Variants in RGL1 observed in about 807,000 individuals in gnomAD.
RGL1 encodes the protein ral guanine nucleotide dissociation stimulator-like 1.
RGL1 carries 24 observed loss-of-function variants against 95.2 expected under a neutral mutation model. The ratio of observed to expected loss-of-function variants is 0.25; its 90% CI spans 0.18 to 0.35. RGL1 has a LOEUF of 0.35. RGL1 is among the 10% of genes least tolerant of loss of function. RGL1 has a pLI of 1.00. For missense variants in RGL1, 715 were observed against 936.3 expected (o/e 0.76, Z 3.08); for synonymous variants, 329 against 344.9 (o/e 0.95, Z 0.51).
chr1:183,922,383 C>G (rs1310007598), intron 17 of RGL1, 47 bp downstream of exon 17: 2 of 1,379,060 alleles, frequency 1.5e-6, no homozygotes, highest in Admixed American at 1.8e-5. Flanking sequence ...GGGCAGGTGG[C>G]TAGCACATGT....
At position 183,916,542 on chromosome 1, in the gene RGL1, G is replaced by A. The variant is rs760736406; in HGVS notation, c.1845G>A (p.Pro615=). Residue 615 remains proline, a synonymous_variant, in exon 16 of 18, where the codon CCG becomes CCA. Coordinates refer to ENST00000360851, the MANE Select transcript of RGL1 (RefSeq NM_001297671.3). ...SSLINPLSSP[P]SCNNNPKIHK... is the part of the protein sequence containing the mutation. ...TAATCAACCCCCTCTCCTCCCCTCC[G>A]TCCTGCAACAACAACCCCAAAATCC... 19 of 1,611,514 alleles carry A rather than the reference G, an allele frequency of 1.2e-5. No individual in the cohort carries two copies. The highest frequency in any genetic ancestry group is 1.0e-4 in the Admixed American group (6 of 59,606).
intron 2 of RGL1, among the ~76,000 whole-genome samples, chr1:183,772,022 G>C (rs925661684): frequency 1.3e-5 from 2 of 152,238 alleles, no homozygotes; most frequent in African/African-American, 4.8e-5. Context: ...TTTGGCCAGG[G>C]CAGTCGGAGG....
chr1:183,658,877 A>G (rs528306129), intron 1 of RGL1, among the ~76,000 whole-genome samples: 36 of 143,548 alleles, frequency 2.5e-4, no homozygotes, highest in Admixed American at 5.4e-4. Context: ...CAGAGGAACA[A>G]TCAGCAGCAT....
chr1:183,869,245 T>C (rs1236048145), intron 4 of RGL1, among the ~76,000 whole-genome samples: 1 of 152,366 alleles, frequency 6.6e-6, no homozygotes, highest in South Asian at 2.1e-4. Flanking sequence ...AAGAGTCATG[T>C]TCATTCTTTT....
intron 3 of RGL1, among the ~76,000 whole-genome samples, chr1:183,856,824 G>A (rs999771829): frequency 2.0e-5 from 3 of 152,008 alleles, no homozygotes; most frequent in African/African-American, 4.8e-5. Flanking sequence ...ATAGAAAAGA[G>A]CATTAAAAAC....
At chr1:183,913,096 T>A (rs759468120) in intron 15 of RGL1, among the ~76,000 whole-genome samples, 2 of 151,838 alleles carry the variant, frequency 1.3e-5, no homozygotes, top group Non-Finnish European at 2.9e-5. Context: ...AGAATTTCCG[T>A]CGAGTTTCTA....
chr1:183,791,673 C>A (rs1660447239), intron 2 of RGL1, among the ~76,000 whole-genome samples: 1 of 152,198 alleles, frequency 6.6e-6, no homozygotes, highest in Non-Finnish European at 1.5e-5. Flanking sequence ...AGGGAAAGCT[C>A]TCTTAAAATA....
intron 9 of RGL1, among the ~76,000 whole-genome samples, chr1:183,896,136 T>C (rs1441915210): frequency 6.6e-6 from 1 of 152,228 alleles, no homozygotes; most frequent in Non-Finnish European, 1.5e-5. Flanking sequence ...AAGTCAGACA[T>C]AATTGATTTC....
At chr1:183,647,910 A>ACAGGAGCCCTGAGGAGCCCT (rs1650419093) in intron 1 of RGL1, 1 of 1,614,070 alleles carries the variant, frequency 6.2e-7, no homozygotes, top group African/African-American at 1.3e-5. Context: ...CACAAAAACA[A>ACAGGAGCCCTGAGGAGCCCT]CAGGAGCCCT....
In RGL1 at chr1:183,854,657, CT is replaced by C. The variant is rs925631529; in HGVS notation, c.347+6892del. On this transcript the variant is annotated intron_variant, in intron 3 of 17. Transcript: ENST00000360851. ...TTATGGGAAAAGCAATTTTTCCTGT[CT>C]TTTTTTTTACCCATGAGATTCAGAT... Among the ~76,000 whole-genome samples, 5 of 151,130 alleles carry C rather than the reference CT, an allele frequency of 3.3e-5. No homozygotes were observed. The South Asian group carries it at 1.0e-3, about 32-fold the overall frequency.
chr1:183,714,378 A>G (rs1016925799), intron 1 of RGL1, among the ~76,000 whole-genome samples: 2 of 152,198 alleles, frequency 1.3e-5, no homozygotes, highest in Non-Finnish European at 2.9e-5. Flanking sequence ...TTAGTATAAA[A>G]GATCATTTAG....
At chr1:183,700,192 C>A (rs1317674940) in intron 1 of RGL1, among the ~76,000 whole-genome samples, 1 of 152,174 alleles carries the variant, frequency 6.6e-6, no homozygotes, top group African/African-American at 2.4e-5. Context: ...AGCCATACTG[C>A]ACCACTAGCC....
intron 2 of RGL1, among the ~76,000 whole-genome samples, chr1:183,829,839 C>A (rs1425913596): frequency 1.9e-5 from 2 of 105,044 alleles, no homozygotes; most frequent in Non-Finnish European, 4.0e-5. Flanking sequence ...TGCACACCTA[C>A]TGATTATTCC....
At chr1:183,902,492 A>G in intron 11 of RGL1, 76 bp from the exon 12 acceptor site, 1 of 1,246,932 alleles carries the variant, frequency 8.0e-7, no homozygotes, top group South Asian at 1.4e-5. Flanking sequence ...ATCTATTTTA[A>G]TGTGACCTAC....
intron 1 of RGL1, among the ~76,000 whole-genome samples, chr1:183,715,258 T>G (rs1655541270): frequency 6.6e-6 from 1 of 151,790 alleles, no homozygotes; most frequent in Non-Finnish European, 1.5e-5. Flanking sequence ...TTTGATCTTG[T>G]TTTTTTTGTT....
intron 1 of RGL1, among the ~76,000 whole-genome samples, chr1:183,720,359 G>A (rs1655948523): frequency 6.6e-6 from 1 of 152,198 alleles, no homozygotes; most frequent in Non-Finnish European, 1.5e-5. Flanking sequence ...CAGCATGCAT[G>A]CCCTGAAGTG....
intron 1 of RGL1, among the ~76,000 whole-genome samples, chr1:183,644,187 G>C (rs2101981460): frequency 6.6e-6 from 1 of 152,254 alleles, no homozygotes; most frequent in South Asian, 2.1e-4. Context: ...AAGCATTAAG[G>C]CATAATGATT....
chr1:183,832,175 A>G (rs190167373), intron 2 of RGL1, among the ~76,000 whole-genome samples: 2 of 152,328 alleles, frequency 1.3e-5, no homozygotes, highest in East Asian at 3.9e-4. Context: ...GGCAAAGGCA[A>G]TGAGGCTGAG....
chr1:183,845,209 C>T (rs557594025), intron 2 of RGL1, among the ~76,000 whole-genome samples: 17 of 152,246 alleles, frequency 1.1e-4, no homozygotes, highest in Admixed American at 2.6e-4. Context: ...TCAGATAAAC[C>T]GCCTGGCGAT....
Sources: gnomAD v4.1 joint callset for allele counts (sites outside exome capture counted in the v4.1 genomes callset) on GRCh38, gnomAD v4.1.1 for gene constraint, MANE v1.5 for transcripts, NCBI Gene and HGNC (gene_info 2026-07-23, HGNC 2026-07-21) for gene names.